The following TWIST2 variants were observed in gnomAD, a reference collection of about 807,000 sequenced individuals.
The protein encoded by TWIST2 is twist family bHLH transcription factor 2, also known as twist-related protein 2.
Under a neutral mutation model 11.6 loss-of-function variants are expected in TWIST2, and 1 was observed. That is an observed-to-expected ratio of 0.09 (90% CI 0.03 to 0.41). TWIST2 has a LOEUF of 0.41. Ranked by LOEUF, TWIST2 falls within the 10% of genes least tolerant of loss-of-function variation. The pLI, the probability that TWIST2 is intolerant of heterozygous loss-of-function variation, is 0.98. For synonymous variants in TWIST2, 87 were observed against 96.6 expected, an observed-to-expected ratio of 0.90 and a Z score of 0.58; for missense variants, 168 against 226.4, an observed-to-expected ratio of 0.74 and a Z score of 1.66.
rs973309485 is a variant in TWIST2 at position 238,895,600 on chromosome 2, G to A, written c.*36-14242G>A. ...GGCTGCTCGTGGCTGGCCAGCCCTC[G>A]CTGTCTCTGAAAGTTGGGAGCGGTC... On this transcript the variant is annotated intron_variant, in intron 1 of 1. Coordinates refer to ENST00000612363, the MANE Select transcript of TWIST2 (RefSeq NM_001271893.4). 8.0e-4 allele frequency among the ~76,000 whole-genome samples: 122 copies of A among 152,300 alleles called. 2 individuals carry two copies. The highest frequency in any genetic ancestry group is 7.4e-3 in the Admixed American group (114 of 15,306).
chr2:238,875,446 C>T (rs576316097), intron 1 of TWIST2, among the ~76,000 whole-genome samples: 17 of 152,240 alleles, frequency 1.1e-4, no homozygotes, highest in East Asian at 3.9e-4. Context: ...ACCAAAAGAT[C>T]AAAGATGAGG....
intron 1 of TWIST2, among the ~76,000 whole-genome samples, chr2:238,870,804 T>C (rs1193165511): frequency 5.5e-5 from 1 of 18,162 alleles, no homozygotes; most frequent in African/African-American, 2.8e-4. Context: ...ACACACCCCA[T>C]GCACACACCA....
At chr2:238,870,561 CCACACACCACACACCACACA>C (rs1250677045) in intron 1 of TWIST2, among the ~76,000 whole-genome samples, 19 of 98,162 alleles carry the variant, frequency 1.9e-4, no homozygotes, top group Non-Finnish European at 2.4e-4. Flanking sequence ...CCCACACACA[CCACACACCACACACCACACA>C]CACACACCAC....
At chr2:238,893,942 G>A (rs1163525537) in intron 1 of TWIST2, among the ~76,000 whole-genome samples, 1 of 152,098 alleles carries the variant, frequency 6.6e-6, no homozygotes, top group East Asian at 1.9e-4. Context: ...ACCCCCTGGT[G>A]TCAGTTCTCC....
At chr2:238,908,253 C>A (rs1225142465) in intron 1 of TWIST2, among the ~76,000 whole-genome samples, 2 of 149,470 alleles carry the variant, frequency 1.3e-5, no homozygotes, top group Non-Finnish European at 3.0e-5. Flanking sequence ...AAACACACAC[C>A]ACATACACCA....
intron 1 of TWIST2, among the ~76,000 whole-genome samples, chr2:238,884,044 G>A (rs761060154): frequency 2.0e-5 from 3 of 152,116 alleles, no homozygotes; most frequent in African/African-American, 7.2e-5. Context: ...GGGTTAATCC[G>A]AATTCTTCCA....
intron 1 of TWIST2, among the ~76,000 whole-genome samples, chr2:238,857,075 G>A (rs1347906198): frequency 3.9e-5 from 6 of 152,302 alleles, no homozygotes; most frequent in Non-Finnish European, 7.4e-5. Flanking sequence ...GCCATCTGCT[G>A]TGCCTGGGGT....
intron 1 of TWIST2, among the ~76,000 whole-genome samples, chr2:238,889,978 TGC>T (rs1693103654): frequency 9.2e-6 from 1 of 108,862 alleles, no homozygotes; most frequent in African/African-American, 2.8e-5. Flanking sequence ...GCCTGGCCTG[TGC>T]GGAGGCTGCC....
intron 1 of TWIST2, among the ~76,000 whole-genome samples, chr2:238,881,804 G>A (rs536697446): frequency 7.2e-5 from 11 of 152,288 alleles, no homozygotes; most frequent in Admixed American, 1.3e-4. Flanking sequence ...AATGTTATCC[G>A]GAGGAGCCAC....
At chr2:238,851,006 T>C (rs1692232235) in intron 1 of TWIST2, among the ~76,000 whole-genome samples, 1 of 152,246 alleles carries the variant, frequency 6.6e-6, no homozygotes, top group Non-Finnish European at 1.5e-5. Context: ...ATCAATACGA[T>C]TATAATTGGT....
chr2:238,909,668 C>A (rs1035785361), intron 1 of TWIST2, among the ~76,000 whole-genome samples, 174 bp from the exon 2 acceptor site: 15 of 152,104 alleles, frequency 9.9e-5, no homozygotes, highest in African/African-American at 3.4e-4. Flanking sequence ...GGGCTGGCCC[C>A]GTAGCAGTCA....
intron 1 of TWIST2, among the ~76,000 whole-genome samples, chr2:238,873,365 G>A (rs1298668648): frequency 1.3e-5 from 2 of 152,134 alleles, no homozygotes; most frequent in African/African-American, 4.8e-5. Context: ...CATGGGTGCT[G>A]AGAAGGAAGC....
intron 1 of TWIST2, among the ~76,000 whole-genome samples, chr2:238,900,211 T>C (rs878959808): frequency 0.36 from 54,426 of 152,064 alleles, 9,920 homozygotes; most frequent in Middle Eastern, 0.49. Flanking sequence ...TTTGGTAACT[T>C]GGACAGCATG....
rs1322941318 is a variant in TWIST2, at chr2:238,864,231, C to T, written c.*35+15498C>T. Among the ~76,000 whole-genome samples, 2 of 152,190 alleles carry T rather than the reference C, an allele frequency of 1.3e-5. No homozygotes were observed. The highest frequency in any genetic ancestry group is 2.9e-5 in the Non-Finnish European group (2 of 68,042). ...GACCTCTCGGGCTGTGCCGTGGTAT[C>T]CTCTCTTCTCCACATTACACCCCAA... On this transcript the variant is annotated intron_variant, in intron 1 of 1. Coordinates refer to ENST00000612363, the MANE Select transcript of TWIST2 (RefSeq NM_001271893.4). This position sits in a 1 kb window ranked among gnomAD's most constrained non-coding sequence, Gnocchi z 4.7.
At chr2:238,869,272 A>G (rs1249439718) in intron 1 of TWIST2, among the ~76,000 whole-genome samples, 1 of 152,220 alleles carries the variant, frequency 6.6e-6, no homozygotes, top group Non-Finnish European at 1.5e-5. Context: ...ACGGAGATGG[A>G]ATTTCATACT....
chr2:238,861,966 G>A (rs981682524), intron 1 of TWIST2, among the ~76,000 whole-genome samples: 1 of 152,186 alleles, frequency 6.6e-6, no homozygotes, highest in South Asian at 2.1e-4. Context: ...GGGGGTCTTG[G>A]TGTGTATCCC....
intron 1 of TWIST2, among the ~76,000 whole-genome samples, chr2:238,905,920 GGTGT>G (rs1693341092): frequency 8.8e-6 from 1 of 113,106 alleles, no homozygotes; most frequent in African/African-American, 3.6e-5. Flanking sequence ...TGTGCGTGCA[GGTGT>G]GCGTGTGCGC....
intron 1 of TWIST2, among the ~76,000 whole-genome samples, chr2:238,898,898 G>A (rs2106372284): frequency 6.6e-6 from 1 of 152,396 alleles, no homozygotes; most frequent in East Asian, 1.9e-4. Context: ...CCTGTAGTCA[G>A]GCAGCTCTGG....
At chr2:238,898,510 G>A (rs1162772722) in intron 1 of TWIST2, among the ~76,000 whole-genome samples, 1 of 152,222 alleles carries the variant, frequency 6.6e-6, no homozygotes, top group Non-Finnish European at 1.5e-5. Context: ...TGCAAAGATC[G>A]CTTGGATCTA....
Sources: gnomAD v4.1 joint callset for allele counts (sites outside exome capture counted in the v4.1 genomes callset) on GRCh38, gnomAD v4.1.1 for gene constraint, Gnocchi (gnomAD v3.1) non-coding constraint, MANE v1.5 for transcripts, NCBI Gene and HGNC (gene_info 2026-07-23, HGNC 2026-07-21) for gene names.